The following DLG2 variants were observed in gnomAD, a reference collection of about 807,000 sequenced individuals.
The protein encoded by DLG2 is discs large MAGUK scaffold protein 2.
A neutral mutation model predicts 132.5 loss-of-function variants in DLG2; 45 were observed. That is an observed-to-expected ratio of 0.34 (90% CI 0.27 to 0.44). The LOEUF is 0.44. Among genes scored for constraint, DLG2 ranks in the 20% least tolerant of loss-of-function variants. The pLI, the probability that DLG2 is intolerant of heterozygous loss-of-function variation, is 1.00. For missense variants in DLG2, 1,045 were observed against 1,196.9 expected (o/e 0.87, Z 1.87); for synonymous variants, 424 against 419.6 (o/e 1.01, Z -0.13).
chr11:83,899,103 A>C (rs2072662071), intron 15 of DLG2, among the ~76,000 whole-genome samples: 1 of 150,982 alleles, frequency 6.6e-6, no homozygotes, highest in South Asian at 2.1e-4. Context: ...CTTTGGATAA[A>C]TAAATGTCAA....
At chr11:84,999,640 G>GT (rs1374441791) in intron 6 of DLG2, among the ~76,000 whole-genome samples, 2 of 152,086 alleles carry the variant, frequency 1.3e-5, no homozygotes, top group Non-Finnish European at 2.9e-5. Context: ...TGTTTTTGTG[G>GT]TTTTTAAAAG....
intron 6 of DLG2, among the ~76,000 whole-genome samples, chr11:84,910,577 G>A (rs2091960831): frequency 6.6e-6 from 1 of 152,078 alleles, no homozygotes. Flanking sequence ...GCCCATAAGA[G>A]AGACTCAATT....
intron 7 of DLG2, among the ~76,000 whole-genome samples, chr11:84,278,520 G>T (rs1031497688): frequency 1.3e-5 from 2 of 151,492 alleles, no homozygotes; most frequent in African/African-American, 2.4e-5. Flanking sequence ...ACCAGATGAA[G>T]ATATTACAAG....
chr11:84,641,822 A>T (rs1333046603), intron 6 of DLG2, among the ~76,000 whole-genome samples: 1 of 151,974 alleles, frequency 6.6e-6, no homozygotes, highest in African/African-American at 2.4e-5. Context: ...CATACAATAA[A>T]TTCTATACGA....
At chr11:83,651,975 A>C (rs1435813382) in intron 18 of DLG2, 1 of 443,442 alleles carries the variant, frequency 2.3e-6, no homozygotes, top group African/African-American at 2.0e-5. Context: ...CTACACACTT[A>C]AATTCAGCCT....
intron 6 of DLG2, among the ~76,000 whole-genome samples, chr11:85,001,217 T>C (rs762362030): frequency 6.6e-6 from 1 of 151,778 alleles, no homozygotes; most frequent in African/African-American, 2.4e-5. Context: ...CCTCAGCCTC[T>C]TGAGTAACTG....
intron 11 of DLG2, among the ~76,000 whole-genome samples, chr11:84,001,292 G>T (rs1118277): frequency 0.81 from 119,656 of 148,584 alleles, 48,784 homozygotes; most frequent in Middle Eastern, 0.9. Flanking sequence ...TAAGAGTAGC[G>T]ATCCTTATAT....
chr11:85,392,383 A>G (rs1009495552), intron 3 of DLG2, among the ~76,000 whole-genome samples: 38 of 152,162 alleles, frequency 2.5e-4, no homozygotes, highest in African/African-American at 8.7e-4. Flanking sequence ...TATGAATTCA[A>G]TGCAATTCCT....
chr11:84,489,460 C>T (rs189261740), intron 7 of DLG2, among the ~76,000 whole-genome samples: 1 of 152,126 alleles, frequency 6.6e-6, no homozygotes, highest in Non-Finnish European at 1.5e-5. Context: ...AAGGAACACA[C>T]AGTCCCTTAG....
intron 6 of DLG2, among the ~76,000 whole-genome samples, chr11:84,860,871 G>A (rs1182092037): frequency 6.6e-6 from 1 of 151,596 alleles, no homozygotes; most frequent in Non-Finnish European, 1.5e-5. Flanking sequence ...ATGAAAGGAA[G>A]GGGGGAGGGG....
chr11:83,504,101 C>A (rs1380402806), intron 21 of DLG2, among the ~76,000 whole-genome samples: 1 of 152,120 alleles, frequency 6.6e-6, no homozygotes, highest in African/African-American at 2.4e-5. Flanking sequence ...TTTCTTAGTA[C>A]AGGTTACATG....
intron 4 of DLG2, among the ~76,000 whole-genome samples, chr11:85,203,182 A>C (rs2081595424): frequency 6.6e-6 from 1 of 151,576 alleles, no homozygotes; most frequent in Non-Finnish European, 1.5e-5. Flanking sequence ...ACAAAAATAA[A>C]CATCAGACCA....
chr11:84,362,955 T>G (rs1301457914), intron 7 of DLG2, among the ~76,000 whole-genome samples: 1 of 152,106 alleles, frequency 6.6e-6, no homozygotes, highest in African/African-American at 2.4e-5. Context: ...TTGTGAATAG[T>G]GCTGCAATAA....
chr11:83,467,561 C>T (rs1271810990), intron 25 of DLG2, among the ~76,000 whole-genome samples: 1 of 151,278 alleles, frequency 6.6e-6, no homozygotes, highest in Non-Finnish European at 1.5e-5. Flanking sequence ...CCAGCCTGAC[C>T]AAAATGGTGA....
At chr11:85,096,983 C>T (rs113840327) in intron 6 of DLG2, among the ~76,000 whole-genome samples, 12 of 152,188 alleles carry the variant, frequency 7.9e-5, no homozygotes, top group African/African-American at 2.2e-4. Context: ...CATTCAACTC[C>T]GGGGTCCCAA....
intron 11 of DLG2, among the ~76,000 whole-genome samples, chr11:84,018,359 T>C (rs1383828523): frequency 6.6e-6 from 1 of 151,994 alleles, no homozygotes; most frequent in Non-Finnish European, 1.5e-5. Context: ...AACAACTCAT[T>C]ATCTTGAGAA....
chr11:83,930,247 A>AGCAG, intron 15 of DLG2, 81 bp downstream of exon 15: 1 of 1,497,450 alleles, frequency 6.7e-7, no homozygotes. Flanking sequence ...AAGAGAAGTG[A>AGCAG]GCAGAGGCGG....
intron 6 of DLG2, among the ~76,000 whole-genome samples, chr11:84,731,975 G>T (rs1479558317): frequency 6.6e-6 from 1 of 151,754 alleles, no homozygotes; most frequent in Admixed American, 6.6e-5. Flanking sequence ...TCACTCATCT[G>T]CTCTCTGTCA....
chr11:84,987,813 A>G (rs1046743064), intron 6 of DLG2, among the ~76,000 whole-genome samples: 1 of 152,204 alleles, frequency 6.6e-6, no homozygotes, highest in Admixed American at 6.5e-5. Context: ...AACTATAAAA[A>G]TTCTCGATGA....
Sources: gnomAD v4.1 joint callset for allele counts (sites outside exome capture counted in the v4.1 genomes callset) on GRCh38, gnomAD v4.1.1 for gene constraint, MANE v1.5 for transcripts, NCBI Gene and HGNC (gene_info 2026-07-23, HGNC 2026-07-21) for gene names.